UCP1: variants seen among roughly 807,000 people sequenced by gnomAD.
The protein encoded by UCP1 is mitochondrial brown fat uncoupling protein 1.
Under a neutral mutation model 26.2 loss-of-function variants are expected in UCP1, and 24 were observed. That is an observed-to-expected ratio of 0.92 (90% CI 0.66 to 1.29). The LOEUF is 1.29. UCP1 is among the 50% of genes most tolerant of loss of function. The pLI, the probability that UCP1 is intolerant of heterozygous loss-of-function variation, is 0.00. For missense variants in UCP1, 402 were observed against 388.7 expected, an observed-to-expected ratio of 1.03 and a Z score of -0.29; for synonymous variants, 164 against 156.8, an observed-to-expected ratio of 1.05 and a Z score of -0.34.
Position 140,562,327 on chromosome 4 carries a change from GC to G in UCP1, c.674del (p.Cys225SerfsTer11). 6.2e-7 allele frequency: 1 copy of G among 1,614,026 alleles called. No homozygotes were observed. ...CCACCGGGGAGGACATAGCTGTTGC[GC>G]AAAATCCAGCGATAAGAGCCGACAC... ...HLVSALIAGFCATAMSSPVDV... is the reference protein window; with the variant it reads ...HLVSALIAGFXATAMSSPVDV... On this transcript the variant is annotated frameshift_variant, in exon 5 of 6. Coordinates refer to ENST00000262999, the MANE Select transcript of UCP1 (RefSeq NM_021833.5). LOFTEE classifies it high-confidence loss of function.
intron 1 of UCP1, among the ~76,000 whole-genome samples, chr4:140,568,376 T>C (rs1249908454): frequency 6.6e-6 from 1 of 152,082 alleles, no homozygotes; most frequent in Non-Finnish European, 1.5e-5. Context: ...TTGGTAGTAG[T>C]CATGGTCAAC....
At chr4:140,566,526 G>C (rs996042650) in intron 2 of UCP1, among the ~76,000 whole-genome samples, 1 of 152,166 alleles carries the variant, frequency 6.6e-6, no homozygotes, top group African/African-American at 2.4e-5. Flanking sequence ...AAAAAATGCA[G>C]TTTTGATCTA....
chr4:140,568,837 T>A lies in UCP1; in HGVS notation c.-108A>T, dbSNP rs1451715270. On this transcript the variant is annotated 5_prime_UTR_variant, in exon 1 of 6. Coordinates refer to ENST00000262999, the MANE Select transcript of UCP1 (RefSeq NM_021833.5). ...CTGTCCGCCGGGCAGCAAACCCGATTTCTGTTTTTTGAACCGACCGCCGGG... is the reference window on the plus strand; with the variant it reads ...CTGTCCGCCGGGCAGCAAACCCGATATCTGTTTTTTGAACCGACCGCCGGG... 3 of 1,514,898 alleles carry A rather than the reference T, an allele frequency of 2.0e-6. No homozygotes were observed. The highest frequency in any genetic ancestry group is 2.7e-6 in the Non-Finnish European group (3 of 1,130,096). 93.8% of individuals were successfully genotyped at this position (1,514,898 alleles called of 1,614,324 possible). A position where few individuals can be genotyped will look rare whatever the true frequency, so the allele number is the denominator to read the frequency against.
intron 2 of UCP1, 130 bp from the exon 3 acceptor site, chr4:140,563,648 T>A: frequency 1.2e-6 from 1 of 867,354 alleles, no homozygotes; most frequent in Non-Finnish European, 1.7e-6. Flanking sequence ...TGCTCTGTTA[T>A]CTAGGCTAGA....
intron 1 of UCP1, among the ~76,000 whole-genome samples, chr4:140,568,279 A>G (rs566741523): frequency 3.5e-4 from 53 of 152,274 alleles, no homozygotes; most frequent in Middle Eastern, 3.4e-3. Context: ...AATCAAAGAA[A>G]GGAAAAAGCA....
In UCP1 at chr4:140,562,183, CAT is replaced by C; in HGVS notation, c.809+8_809+9del. On this transcript the variant is annotated splice_region_variant and intron_variant, in intron 5 of 5. Coordinates refer to ENST00000262999, the MANE Select transcript of UCP1 (RefSeq NM_021833.5). ...AGAACACATTACAGATACACAAGAT[CAT>C]ATCTTACCCCTTGAAGAAAGCCGTT... is the stretch of plus-strand genomic sequence containing the variant. 2 of 1,614,102 alleles carry C rather than the reference CAT, an allele frequency of 1.2e-6. No homozygotes were observed. Among genetic ancestry groups the C allele is most frequent in the African/African-American group, 1.3e-5 (1 of 75,056 alleles).
At position 140,568,893 on chromosome 4, in the gene UCP1, C is replaced by G; in HGVS notation, c.-164G>C. On this transcript the variant is annotated 5_prime_UTR_variant, in exon 1 of 6. Transcript: ENST00000262999. ...GCGGTGCAGAGGCGGCGGCTGCAGA[C>G]GGAGCGCGGTGTTGGGGGCCGAGTC... 1 of 1,108,846 alleles carries G rather than the reference C, an allele frequency of 9.0e-7. No individual in the cohort carries two copies. The highest frequency in any genetic ancestry group is 1.3e-6 in the Non-Finnish European group (1 of 785,740). 68.7% of individuals were successfully genotyped at this position (1,108,846 alleles called of 1,614,324 possible). A position where few individuals can be genotyped will look rare whatever the true frequency, so the allele number is the denominator to read the frequency against.
Position 140,562,381 on chromosome 4 carries a change from G to T in UCP1, c.629-8C>A. The T allele has an allele frequency of 6.2e-7, 1 of 1,613,768 alleles. No individual in the cohort carries two copies. The highest frequency in any genetic ancestry group is 8.5e-7 in the Non-Finnish European group (1 of 1,179,926). ...AGTGGCAGGGGACGTCATCTAAAAT[G>T]GATCGATGAAACAGGTCAACATCAG... On this transcript the variant is annotated splice_polypyrimidine_tract_variant and splice_region_variant and intron_variant, in intron 4 of 5. Coordinates refer to ENST00000262999, the MANE Select transcript of UCP1 (RefSeq NM_021833.5).
At chr4:140,566,012 G>A (rs1044352660) in intron 2 of UCP1, among the ~76,000 whole-genome samples, 1 of 152,140 alleles carries the variant, frequency 6.6e-6, no homozygotes, top group African/African-American at 2.4e-5. Context: ...ACAATTGCCT[G>A]TAGTATTCAA....
chr4:140,564,356 A>C (rs1735752899), intron 2 of UCP1, among the ~76,000 whole-genome samples: 2 of 152,238 alleles, frequency 1.3e-5, no homozygotes, highest in African/African-American at 2.4e-5. Context: ...TTTTGAAAAA[A>C]ATAGCTTATG....
rs769316561 is a variant in UCP1, at chr4:140,560,003, G to C, written c.817C>G (p.Pro273Ala). The change falls in exon 6 of 6, where the codon CCT (proline) becomes GCT (alanine). Residue 273 changes from proline to alanine, a missense_variant. Coordinates refer to ENST00000262999, the MANE Select transcript of UCP1 (RefSeq NM_021833.5). ...CAGGATCCAAGTCGCAAGAAGGAAG[G>C]TACCAACCTAGAAAAGTGCATGTCA... ...GPTAFFKGLV[P>A]SFLRLGSWNV... The C allele has an allele frequency of 1.2e-6, 2 of 1,613,202 alleles. No homozygotes were observed. Among genetic ancestry groups the C allele is most frequent in the Admixed American group, 3.3e-5 (2 of 59,944 alleles).
intron 5 of UCP1, among the ~76,000 whole-genome samples, chr4:140,561,373 G>GACAGGGAC (rs1049951573): frequency 1.1e-4 from 17 of 151,936 alleles, no homozygotes; most frequent in African/African-American, 4.1e-4. Context: ...TCTTTTTTGA[G>GACAGGGAC]ACAGGGACTT....
At chr4:140,565,648 T>C (rs934874264) in intron 2 of UCP1, among the ~76,000 whole-genome samples, 2 of 152,154 alleles carry the variant, frequency 1.3e-5, no homozygotes, top group African/African-American at 4.8e-5. Flanking sequence ...CTGTGCTATG[T>C]TCACTCGACT....
Position 140,563,416 on chromosome 4 carries a change from G to C in UCP1, c.428C>G (p.Ala143Gly). Residue 143 changes from alanine to glycine, a missense_variant, in exon 3 of 6, where the codon GCA becomes GGA. Transcript: ENST00000262999. ...PTEVVKVRLQAQSHLHGIKPR... is the reference protein window; with the variant it reads ...PTEVVKVRLQGQSHLHGIKPR... ...TTTGATTCCGTGGAGATGGCTCTGT[G>C]CTTGAAGTCTGACTTTCACGACCTC... The C allele has an allele frequency of 1.2e-6, 2 of 1,614,060 alleles. No homozygotes were observed. Among genetic ancestry groups the C allele is most frequent in the Non-Finnish European group, 1.7e-6 (2 of 1,180,002 alleles).
In UCP1 at chr4:140,563,368, T is replaced by A. The variant is rs2110910327; in HGVS notation, c.476A>T (p.Asn159Ile). 6.2e-7 allele frequency: 1 copy of A among 1,614,190 alleles called. No homozygotes were observed. Among genetic ancestry groups the A allele is most frequent in the African/African-American group, 1.3e-5 (1 of 75,044 alleles). Residue 159 changes from asparagine (N) to isoleucine (I), a missense_variant, in exon 3 of 6, where the codon AAT becomes ATT. Asn to Ile is a moderately radical substitution (Grantham distance 149, BLOSUM62 -3). Coordinates refer to ENST00000262999, the MANE Select transcript of UCP1 (RefSeq NM_021833.5). Reference sequence around the variant, plus strand: ...GGTTGTTGCTATTATTCTGTACGCATTATAAGTCCCCGTGTAGCGAGGTTT... The same window carrying A: ...GGTTGTTGCTATTATTCTGTACGCAATATAAGTCCCCGTGTAGCGAGGTTT... ...GIKPRYTGTYNAYRIIATTEG... is the reference protein window; with the variant it reads ...GIKPRYTGTYIAYRIIATTEG...
Position 140,568,813 on chromosome 4 carries a change from T to C in UCP1, c.-84A>G. On this transcript the variant is annotated 5_prime_UTR_variant, in exon 1 of 6. Transcript: ENST00000262999. Reference sequence around the variant, plus strand: ...GTTCCTTTCCCTTGCTCTTCACGCCTGTCCGCCGGGCAGCAAACCCGATTT... The same window carrying C: ...GTTCCTTTCCCTTGCTCTTCACGCCCGTCCGCCGGGCAGCAAACCCGATTT... 4 of 1,529,058 alleles carry C rather than the reference T, an allele frequency of 2.6e-6. No individual in the cohort carries two copies. Among genetic ancestry groups the C allele is most frequent in the Non-Finnish European group, 3.5e-6 (4 of 1,140,560 alleles). The allele number at this position is 1,529,058 out of a possible 1,614,324, so 94.7% of individuals were successfully genotyped here. A position where few individuals can be genotyped will look rare whatever the true frequency, so the allele number is the denominator to read the frequency against.
In UCP1 at chr4:140,563,446, G is replaced by T; in HGVS notation, c.398C>A (p.Pro133His). 6.2e-7 allele frequency: 1 copy of T among 1,613,986 alleles called. No individual in the cohort carries two copies. The highest frequency in any genetic ancestry group is 1.1e-5 in the South Asian group (1 of 91,070). The change falls in exon 3 of 6, where the codon CCC (proline) becomes CAC (histidine). Residue 133 changes from proline (P) to histidine (H), a missense_variant. Pro to His is a moderately conservative substitution (Grantham distance 77). Coordinates refer to ENST00000262999, the MANE Select transcript of UCP1 (RefSeq NM_021833.5). ...AAGTCTGACTTTCACGACCTCTGTG[G>T]GTTGCCCAATGAATACTGCCACTCC... is the stretch of plus-strand genomic sequence containing the variant. Reference protein sequence around the residue: ...TGGVAVFIGQPTEVVKVRLQA... With the variant: ...TGGVAVFIGQHTEVVKVRLQA...
chr4:140,559,761 T>G lies in UCP1; in HGVS notation c.*135A>C. ...TAGGCATTAATTTTCCTCTTTTTTA[T>G]ATAAAAAAGTCCAAAATTCTCTGCC... On this transcript the variant is annotated 3_prime_UTR_variant, in exon 6 of 6. Transcript: ENST00000262999. 1.2e-6 allele frequency: 1 copy of G among 804,828 alleles called. No homozygotes were observed. The highest frequency in any genetic ancestry group is 2.0e-6 in the Non-Finnish European group (1 of 503,300). 49.9% of individuals were successfully genotyped at this position (804,828 alleles called of 1,614,324 possible).
Position 140,562,303 on chromosome 4 carries a change from C to A in UCP1, c.699G>T (p.Val233=), listed in dbSNP as rs770376298. ...TAATAAATCTGGTTTTTACTACATC[C>A]ACCGGGGAGGACATAGCTGTTGCGC... ...GFCATAMSSP[V]DVVKTRFINS... The change falls in exon 5 of 6, where the codon GTG becomes GTT. Residue 233 remains valine (V), a synonymous_variant. Coordinates refer to ENST00000262999, the MANE Select transcript of UCP1 (RefSeq NM_021833.5). 4.3e-6 allele frequency: 7 copies of A among 1,613,956 alleles called. 1 individual carries two copies. In the Middle Eastern group the frequency reaches 4.9e-4, roughly 114 times the overall value.
Sources: allele counts gnomAD v4.1 joint callset (sites outside exome capture counted in the v4.1 genomes callset), GRCh38; gene constraint gnomAD v4.1.1; transcripts MANE v1.5; gene names NCBI Gene and HGNC (gene_info 2026-07-23, HGNC 2026-07-21).